Variants in BMP1 observed in about 807,000 individuals in gnomAD.
BMP1 encodes the protein mammalian tolloid protein.
BMP1 carries 63 observed loss-of-function variants against 116.8 expected under a neutral mutation model. That is an observed-to-expected ratio of 0.54 (90% CI 0.44 to 0.67). The LOEUF (loss-of-function observed/expected upper bound fraction) is 0.67, where lower values mean the gene tolerates loss of function less well. Ranked by LOEUF, BMP1 falls within the 30% of genes least tolerant of loss-of-function variation. The pLI is 0.00. For synonymous variants in BMP1, 536 were observed against 533.4 expected, an observed-to-expected ratio of 1.00 and a Z score of -0.07; for missense variants, 1,183 against 1,358.9, an observed-to-expected ratio of 0.87 and a Z score of 2.04.
chr8:22,185,126 G>C (rs1828729274), intron 8 of BMP1, among the ~76,000 whole-genome samples: 1 of 152,132 alleles, frequency 6.6e-6, no homozygotes, highest in Non-Finnish European at 1.5e-5. Context: ...CCCAGCAACG[G>C]AGGAGAACCT....
chr8:22,196,235 G>A (rs372822983), intron 13 of BMP1: 15 of 526,828 alleles, frequency 2.8e-5, no homozygotes, highest in East Asian at 5.4e-5. Context: ...CACTGTTTCC[G>A]CCTCTCCACG....
At chr8:22,183,391 G>A (rs886530351) in intron 8 of BMP1, among the ~76,000 whole-genome samples, 5 of 152,126 alleles carry the variant, frequency 3.3e-5, no homozygotes, top group African/African-American at 1.2e-4. Flanking sequence ...ACTCATGCCA[G>A]GGGGGCAGAG....
At chr8:22,198,115 T>C (rs1313734849) in intron 15 of BMP1, among the ~76,000 whole-genome samples, 1 of 152,066 alleles carries the variant, frequency 6.6e-6, no homozygotes, top group East Asian at 1.9e-4. Flanking sequence ...AGCCCAGGAG[T>C]TTGAGGCTGT....
chr8:22,196,089 G>C, intron 13 of BMP1: 1 of 444,992 alleles, frequency 2.2e-6, no homozygotes, highest in Non-Finnish European at 4.5e-6. Context: ...TTCTGGCTTT[G>C]GGTTTGTTTT....
intron 15 of BMP1, among the ~76,000 whole-genome samples, chr8:22,197,856 C>T (rs74595050): frequency 0.017 from 2,553 of 152,230 alleles, 71 homozygotes; most frequent in African/African-American, 0.057. Context: ...TCAGACCCTG[C>T]ACACGCCAAA....
In BMP1 at chr8:22,194,300, G is replaced by A; in HGVS notation, c.1297+126G>A. 1 of 1,438,860 alleles carries A rather than the reference G, an allele frequency of 6.9e-7. No individual in the cohort carries two copies. The allele number at this position is 1,438,860 out of a possible 1,614,324, so 89.1% of individuals were successfully genotyped here. On this transcript the variant is annotated intron_variant, in intron 10 of 19. Coordinates refer to ENST00000306385, the MANE Select transcript of BMP1 (RefSeq NM_006129.5). The surrounding 1 kb of genome is among the most constrained non-coding windows in gnomAD (Gnocchi z 4.5). ...CAAGGGAAGAAGCAGAGAGAATGATGGGATTGCCTGGGACTGGGGGTTTGG... is the reference window on the plus strand; with the variant it reads ...CAAGGGAAGAAGCAGAGAGAATGATAGGATTGCCTGGGACTGGGGGTTTGG...
At chr8:22,203,842 G>C (rs1829304900) in intron 16 of BMP1, among the ~76,000 whole-genome samples, 1 of 152,122 alleles carries the variant, frequency 6.6e-6, no homozygotes, top group South Asian at 2.1e-4. Context: ...TACTGATATT[G>C]TCTAAACTGC....
In BMP1 at chr8:22,182,905, T is replaced by C. The variant is rs568254830; in HGVS notation, c.1077+2422T>C. Among the ~76,000 whole-genome samples the C allele has an allele frequency of 4.8e-4, 73 of 152,384 alleles. 1 individual carries two copies. In the South Asian group the frequency reaches 0.015, roughly 31 times the overall value. ...TGATGAGCTTGGAGACAAAAACCAA[T>C]GTAGAGAGGTGCTCATGGGCTCTCC... On this transcript the variant is annotated intron_variant, in intron 8 of 19. Transcript: ENST00000306385.
Position 22,202,999 on chromosome 8 carries a change from G to GA in BMP1, c.2233+1077dup, listed in dbSNP as rs1186626701. 3.9e-5 allele frequency among the ~76,000 whole-genome samples: 6 copies of GA among 152,166 alleles called. No homozygotes were observed. The South Asian group carries it at 8.3e-4, about 21-fold the overall frequency. ...TACTCCAGCCTGGGTGACAGAGTGG[G>GA]AAAAAACAAATAAAAATATAAATAA... On this transcript the variant is annotated intron_variant, in intron 16 of 19. Transcript: ENST00000306385.
At chr8:22,197,216 G>T in intron 14 of BMP1, 24 bp from the exon 15 acceptor site, 3 of 1,598,428 alleles carry the variant, frequency 1.9e-6, no homozygotes, top group Non-Finnish European at 2.6e-6. Flanking sequence ...GAGGAGGCGG[G>T]CCTGGAGCTG....
rs199873318 is a variant in BMP1, at chr8:22,177,892, G to A, written c.771G>A (p.Val257=). ...YNFLKMEPQE[V]ESLGETYDFD... ...TCCTGAAGATGGAGCCTCAGGAGGTGGAGTCCCTGGGGGAGACCTATGACT... is the reference window on the plus strand; with the variant it reads ...TCCTGAAGATGGAGCCTCAGGAGGTAGAGTCCCTGGGGGAGACCTATGACT... Residue 257 remains valine (V), a synonymous_variant, in exon 6 of 20, where the codon GTG becomes GTA. Transcript: ENST00000306385. 6.8e-6 allele frequency: 11 copies of A among 1,613,542 alleles called. No homozygotes were observed. Among genetic ancestry groups the A allele is most frequent in the Admixed American group, 6.7e-5 (4 of 59,972 alleles).
rs928432075 is a variant in BMP1, at chr8:22,180,186, G to A, written c.962-182G>A. ...GCAGCACTGGGCTGGGAGGTAGGAT[G>A]GCGTGTGCTATATGTGAGGTAGGGG... On this transcript the variant is annotated intron_variant, in intron 7 of 19. Coordinates refer to ENST00000306385, the MANE Select transcript of BMP1 (RefSeq NM_006129.5). Among the ~76,000 whole-genome samples the A allele has an allele frequency of 3.9e-5, 6 of 152,178 alleles. No homozygotes were observed. In the East Asian group the frequency reaches 7.7e-4, roughly 20 times the overall value.
chr8:22,180,420 C>T lies in BMP1; in HGVS notation c.1014C>T (p.Tyr338=). ...CAGGCAACTTCTCCTCCCCTGAATACCCCAATGGCTACTCTGCTCACATGC... is the reference window on the plus strand; with the variant it reads ...CAGGCAACTTCTCCTCCCCTGAATATCCCAATGGCTACTCTGCTCACATGC... ...DSTGNFSSPE[Y]PNGYSAHMHC... Residue 338 remains tyrosine (Y), a synonymous_variant, in exon 8 of 20, where the codon TAC becomes TAT. Coordinates refer to ENST00000306385, the MANE Select transcript of BMP1 (RefSeq NM_006129.5). The T allele has an allele frequency of 6.2e-7, 1 of 1,614,068 alleles. No individual in the cohort carries two copies. The highest frequency in any genetic ancestry group is 8.5e-7 in the Non-Finnish European group (1 of 1,179,952).
In BMP1 at chr8:22,176,302, GA is replaced by G; in HGVS notation, c.425del (p.Asn142ThrfsTer14). ...GGGGTCATCCCCTTTGTCATTGGGGGAAACTTCACTGGTGAGCGTGCTATTG... is the reference window on the plus strand; with the variant it reads ...GGGGTCATCCCCTTTGTCATTGGGGGAACTTCACTGGTGAGCGTGCTATTG... ...PDGVIPFVIG[G>X]NFTGSQRAVF... On this transcript the variant is annotated frameshift_variant, in exon 3 of 20. Transcript: ENST00000306385. LOFTEE classifies it high-confidence loss of function. 1.9e-6 allele frequency: 3 copies of G among 1,599,266 alleles called. No homozygotes were observed. The highest frequency in any genetic ancestry group is 2.6e-6 in the Non-Finnish European group (3 of 1,171,520).
intron 18 of BMP1, among the ~76,000 whole-genome samples, chr8:22,208,267 C>A (rs959891281): frequency 1.3e-5 from 2 of 152,242 alleles, no homozygotes; most frequent in Non-Finnish European, 2.9e-5. Flanking sequence ...AGCAAAGATC[C>A]CAGCCCTTGA....
chr8:22,201,562 C>G (rs1363785683), intron 15 of BMP1: 2 of 1,411,642 alleles, frequency 1.4e-6, no homozygotes, highest in African/African-American at 2.9e-5. Flanking sequence ...CTGGTCCGCT[C>G]GGACCCCCAT....
chr8:22,173,514 G>A (rs979924538), intron 1 of BMP1, 88 bp from the exon 2 acceptor site: 3 of 896,866 alleles, frequency 3.3e-6, no homozygotes, highest in Non-Finnish European at 5.1e-6. Context: ...TTGGGGGCTG[G>A]TGCCCACAGG....
intron 15 of BMP1, chr8:22,198,334 T>A (rs1292284439): frequency 6.6e-6 from 1 of 152,236 alleles, no homozygotes; most frequent in African/African-American, 2.4e-5. Context: ...CATTTGAGCC[T>A]TTGATGGCCC....
rs1216652180 is a variant in BMP1, at chr8:22,173,710, C to G, written c.257C>G (p.Ala86Gly). ...RHTARKSSIK[A>G]AVPGNTSTPS... is the part of the protein sequence containing the mutation. Reference sequence around the variant, plus strand: ...ACAGCTCGTAAGTCCTCCATCAAAGCTGCAGGTAAGCCGGGTGCCAATGGG... The same window carrying G: ...ACAGCTCGTAAGTCCTCCATCAAAGGTGCAGGTAAGCCGGGTGCCAATGGG... Residue 86 changes from alanine (A) to glycine (G), a missense_variant, in exon 2 of 20, where the codon GCT becomes GGT. Physicochemically the swap from Ala to Gly is moderately conservative, Grantham distance 60. Coordinates refer to ENST00000306385, the MANE Select transcript of BMP1 (RefSeq NM_006129.5). The G allele has an allele frequency of 6.2e-7, 1 of 1,610,182 alleles. No individual in the cohort carries two copies. Among genetic ancestry groups the G allele is most frequent in the Non-Finnish European group, 8.5e-7 (1 of 1,177,734 alleles).
Sources: gnomAD v4.1 joint callset for allele counts (sites outside exome capture counted in the v4.1 genomes callset) on GRCh38, gnomAD v4.1.1 for gene constraint, Gnocchi (gnomAD v3.1) non-coding constraint, MANE v1.5 for transcripts, NCBI Gene and HGNC (gene_info 2026-07-23, HGNC 2026-07-21) for gene names.